HS6ST3: variants seen among roughly 807,000 people sequenced by gnomAD.
HS6ST3 encodes the protein heparan sulfate 6-O-sulfotransferase 3, also known as heparan-sulfate 6-O-sulfotransferase 3.
HS6ST3 carries 12 observed loss-of-function variants against 36.7 expected under a neutral mutation model. The ratio of observed to expected loss-of-function variants is 0.33; its 90% CI spans 0.21 to 0.53. The LOEUF (loss-of-function observed/expected upper bound fraction) is 0.53, where lower values mean the gene tolerates loss of function less well. HS6ST3 is among the 20% of genes least tolerant of loss of function. The pLI is 0.95. For synonymous variants in HS6ST3, 240 were observed against 257.5 expected, an observed-to-expected ratio of 0.93 and a Z score of 0.65; for missense variants, 584 against 640.9, an observed-to-expected ratio of 0.91 and a Z score of 0.96.
At chr13:96,590,752 A>G (rs1487594407) in intron 1 of HS6ST3, among the ~76,000 whole-genome samples, 1 of 152,106 alleles carries the variant, frequency 6.6e-6, no homozygotes, top group Non-Finnish European at 1.5e-5. Flanking sequence ...GTATTACTCA[A>G]GAAATCTTTA....
At chr13:96,537,687 A>C (rs1215970536) in intron 1 of HS6ST3, among the ~76,000 whole-genome samples, 1 of 152,216 alleles carries the variant, frequency 6.6e-6, no homozygotes, top group Admixed American at 6.5e-5. Flanking sequence ...TTAAATGTTA[A>C]ATACAATATG....
intron 1 of HS6ST3, among the ~76,000 whole-genome samples, chr13:96,730,540 G>A (rs1386166968): frequency 1.3e-5 from 2 of 152,038 alleles, no homozygotes; most frequent in Non-Finnish European, 2.9e-5. Flanking sequence ...TTTTTTGACA[G>A]ATAAAAGTGT....
intron 1 of HS6ST3, among the ~76,000 whole-genome samples, chr13:96,092,332 C>G (rs1030909552): frequency 4.6e-5 from 7 of 152,128 alleles, no homozygotes; most frequent in African/African-American, 1.7e-4. Flanking sequence ...CATAACATCC[C>G]TTGTTTTCAG....
At chr13:96,638,222 A>T (rs2056556724) in intron 1 of HS6ST3, among the ~76,000 whole-genome samples, 1 of 152,220 alleles carries the variant, frequency 6.6e-6, no homozygotes, top group East Asian at 1.9e-4. Flanking sequence ...CACTGTAAAA[A>T]GTCCTGTGAA....
At chr13:96,226,019 C>G (rs1010032315) in intron 1 of HS6ST3, among the ~76,000 whole-genome samples, 1 of 152,060 alleles carries the variant, frequency 6.6e-6, no homozygotes, top group Non-Finnish European at 1.5e-5. Context: ...TTCTGTTGCC[C>G]TCAGTGGTGG....
At chr13:96,213,160 A>G (rs2054407031) in intron 1 of HS6ST3, among the ~76,000 whole-genome samples, 1 of 152,188 alleles carries the variant, frequency 6.6e-6, no homozygotes. Flanking sequence ...ACCTGAATTA[A>G]CCCATTGGGG....
At chr13:96,525,410 T>A (rs1051967626) in intron 1 of HS6ST3, among the ~76,000 whole-genome samples, 2 of 152,182 alleles carry the variant, frequency 1.3e-5, no homozygotes, top group African/African-American at 2.4e-5. Flanking sequence ...TAGTTACCAG[T>A]GGACTCTGAA....
chr13:96,378,711 T>C (rs1294469279), intron 1 of HS6ST3, among the ~76,000 whole-genome samples: 1 of 152,178 alleles, frequency 6.6e-6, no homozygotes. Flanking sequence ...CAGGGCTGTG[T>C]CTGCTCACAG....
chr13:96,577,410 A>G (rs192380756), intron 1 of HS6ST3, among the ~76,000 whole-genome samples: 1 of 152,260 alleles, frequency 6.6e-6, no homozygotes, highest in East Asian at 1.9e-4. Flanking sequence ...TATCCAGTCT[A>G]TCCTTGATGT....
chr13:96,188,083 A>G (rs895005624), intron 1 of HS6ST3, among the ~76,000 whole-genome samples: 1 of 152,156 alleles, frequency 6.6e-6, no homozygotes, highest in Non-Finnish European at 1.5e-5. Context: ...TCTTCCCCCT[A>G]TAGCACCAGG....
chr13:96,249,871 A>G (rs1009665349), intron 1 of HS6ST3, among the ~76,000 whole-genome samples: 1 of 152,314 alleles, frequency 6.6e-6, no homozygotes, highest in Non-Finnish European at 1.5e-5. Context: ...TATTCTACTT[A>G]GATGAGGTAT....
rs1878951959 is a variant in HS6ST3 at position 96,837,346 on chromosome 13, G to A, written c.*4148G>A. 1 of 152,110 alleles carries A rather than the reference G, an allele frequency of 6.6e-6. No individual in the cohort carries two copies. The highest frequency in any genetic ancestry group is 2.1e-4 in the South Asian group (1 of 4,830). The allele number at this position is 152,110 out of a possible 1,614,324, so 9.4% of individuals were successfully genotyped here. A position where few individuals can be genotyped will look rare whatever the true frequency, so the allele number is the denominator to read the frequency against. ...CTCATTTGGTCCTCATTACATTCTT[G>A]TGTGCTAAATAGGACCTCTATTCAT... On this transcript the variant is annotated 3_prime_UTR_variant, in exon 2 of 2. Transcript: ENST00000376705.
At chr13:96,435,076 G>A (rs1283989566) in intron 1 of HS6ST3, among the ~76,000 whole-genome samples, 1 of 151,812 alleles carries the variant, frequency 6.6e-6, no homozygotes, top group African/African-American at 2.4e-5. Flanking sequence ...TTTTCCTGAG[G>A]GTGACAATAT....
chr13:96,548,735 A>G (rs2056207201), intron 1 of HS6ST3, among the ~76,000 whole-genome samples: 1 of 152,154 alleles, frequency 6.6e-6, no homozygotes. Context: ...AGAAACTGCT[A>G]TTATTCTAGT....
At chr13:96,270,925 C>T (rs1329250926) in intron 1 of HS6ST3, among the ~76,000 whole-genome samples, 1 of 151,936 alleles carries the variant, frequency 6.6e-6, no homozygotes, top group Admixed American at 6.6e-5. Context: ...CACCTACCAA[C>T]TTTCAGAGCT....
intron 1 of HS6ST3, chr13:96,573,516 T>G (rs1348847283): frequency 5.6e-6 from 1 of 177,746 alleles, no homozygotes; most frequent in East Asian, 1.9e-4. Context: ...GGAAGAAGTC[T>G]CATTTCAGAA....
intron 1 of HS6ST3, among the ~76,000 whole-genome samples, chr13:96,583,510 G>A (rs1818270539): frequency 6.6e-6 from 1 of 151,638 alleles, no homozygotes; most frequent in South Asian, 2.1e-4. Flanking sequence ...CCGCCCAATG[G>A]CTTCACTTTC....
intron 1 of HS6ST3, among the ~76,000 whole-genome samples, chr13:96,502,372 T>TC (rs1488298877): frequency 1.3e-5 from 2 of 151,750 alleles, no homozygotes; most frequent in Admixed American, 1.3e-4. Context: ...TTTTTTTTTT[T>TC]TTCATCTGGC....
At position 96,363,135 on chromosome 13, in the gene HS6ST3, ACACT is replaced by A. The variant is rs566758799; in HGVS notation, c.707+271570_707+271573del. ...TCGAATTGCATAGGACTGCACACAC[ACACT>A]CACACACACCACACACACACGAGTG... On this transcript the variant is annotated intron_variant, in intron 1 of 1. Coordinates refer to ENST00000376705, the MANE Select transcript of HS6ST3 (RefSeq NM_153456.4). Among the ~76,000 whole-genome samples the A allele has an allele frequency of 4.3e-4, 66 of 152,226 alleles. 1 individual carries two copies. In the East Asian group the frequency reaches 9.7e-3, roughly 22 times the overall value.
Sources: gnomAD v4.1 joint callset for allele counts (sites outside exome capture counted in the v4.1 genomes callset) on GRCh38, gnomAD v4.1.1 for gene constraint, MANE v1.5 for transcripts, NCBI Gene and HGNC (gene_info 2026-07-23, HGNC 2026-07-21) for gene names.